The following DNAH7 variants were observed in gnomAD, a reference collection of about 807,000 sequenced individuals.
The protein encoded by DNAH7 is dynein axonemal heavy chain 7.
A neutral mutation model predicts 444.6 loss-of-function variants in DNAH7; 397 were observed. The ratio of observed to expected loss-of-function variants is 0.89; its 90% confidence interval spans 0.82 to 0.97. The LOEUF is 0.97. DNAH7 is among the 50% of genes least tolerant of loss of function. The probability of loss-of-function intolerance (pLI) is 0.00; values close to 1 mark genes in which losing one functional copy is unlikely to be tolerated. For synonymous variants in DNAH7, 1,636 were observed against 1,624.4 expected (o/e 1.01, Z -0.17); for missense variants, 4,902 against 4,800.8 (o/e 1.02, Z -0.62).
intron 19 of DNAH7, among the ~76,000 whole-genome samples, chr2:195,943,230 T>G (rs1431253704): frequency 6.6e-6 from 1 of 152,192 alleles, no homozygotes; most frequent in African/African-American, 2.4e-5. Flanking sequence ...ATTAGCAGCA[T>G]GAGAACAGAC....
chr2:195,772,484 T>A (rs942238963), intron 60 of DNAH7, among the ~76,000 whole-genome samples: 1 of 152,196 alleles, frequency 6.6e-6, no homozygotes, highest in Non-Finnish European at 1.5e-5. Context: ...ATTCCATTTT[T>A]GTTTTTTATA....
intron 8 of DNAH7, among the ~76,000 whole-genome samples, chr2:196,020,702 C>T (rs1695328954): frequency 6.6e-6 from 1 of 151,770 alleles, no homozygotes; most frequent in Admixed American, 6.6e-5. Context: ...CCTCCACCTC[C>T]TGGGTTCAAG....
At chr2:195,857,201 T>C (rs1269619985) in intron 44 of DNAH7, among the ~76,000 whole-genome samples, 176 bp downstream of exon 44, 1 of 152,222 alleles carries the variant, frequency 6.6e-6, no homozygotes, top group African/African-American at 2.4e-5. Flanking sequence ...AGAACCACTG[T>C]ATTATACTAT....
At chr2:195,817,972 G>T in intron 49 of DNAH7, 143 bp from the exon 50 acceptor site, 1 of 558,976 alleles carries the variant, frequency 1.8e-6, no homozygotes, top group Non-Finnish European at 2.9e-6. Context: ...TAGAGACTAT[G>T]ATTAACGACA....
chr2:195,791,939 G>A (rs1330271558), intron 57 of DNAH7, among the ~76,000 whole-genome samples: 1 of 152,112 alleles, frequency 6.6e-6, no homozygotes, highest in Non-Finnish European at 1.5e-5. Flanking sequence ...GGCCAAGGAG[G>A]GCGGACCACT....
chr2:195,818,462 T>C (rs565788889), intron 49 of DNAH7, among the ~76,000 whole-genome samples: 2 of 152,184 alleles, frequency 1.3e-5, no homozygotes, highest in South Asian at 4.1e-4. Flanking sequence ...TCTCTCTTCA[T>C]TGTCCACATC....
chr2:195,799,451 A>G lies in DNAH7; in HGVS notation c.10198T>C (p.Phe3400Leu), dbSNP rs1319354971. 6.2e-7 allele frequency: 1 copy of G among 1,600,164 alleles called. No homozygotes were observed. Among genetic ancestry groups the G allele is most frequent in the African/African-American group, 1.3e-5 (1 of 74,266 alleles). The change falls in exon 55 of 65, where the codon TTT becomes CTT. Residue 3400 changes from phenylalanine (F) to leucine (L), a missense_variant. By Grantham distance (22) the Phe-to-Leu change is conservative. Transcript: ENST00000312428. ...PDKVIPMLQEFIINRLGRAFI... is the reference protein window; with the variant it reads ...PDKVIPMLQELIINRLGRAFI... ...GCACGTCCCAATCTGTTGATTATAA[A>G]TTCCTGCAACATTGGAATAACCTAG...
chr2:196,000,915 A>T (rs750203141), intron 11 of DNAH7, 32 bp from the exon 12 acceptor site: 1 of 1,491,228 alleles, frequency 6.7e-7, no homozygotes, highest in Non-Finnish European at 9.0e-7. Context: ...ACATACATAA[A>T]TATGTATGAA....
chr2:195,889,473 C>G (rs561703213), intron 31 of DNAH7, among the ~76,000 whole-genome samples: 3 of 152,050 alleles, frequency 2.0e-5, no homozygotes, highest in African/African-American at 7.2e-5. Context: ...CACCACCACA[C>G]CCAGCTAAAT....
intron 15 of DNAH7, among the ~76,000 whole-genome samples, chr2:195,976,079 A>G (rs1400442696): frequency 1.3e-5 from 2 of 152,200 alleles, no homozygotes; most frequent in Non-Finnish European, 2.9e-5. Flanking sequence ...TAGATACCTC[A>G]GCCTTGCAGC....
intron 21 of DNAH7, among the ~76,000 whole-genome samples, chr2:195,930,475 A>G (rs966976520): frequency 1.1e-4 from 16 of 152,212 alleles, no homozygotes; most frequent in African/African-American, 3.9e-4. Flanking sequence ...CCAAAATGAG[A>G]TATCATCTCA....
chr2:195,953,463 G>A (rs1345770759), intron 19 of DNAH7, among the ~76,000 whole-genome samples: 2 of 152,212 alleles, frequency 1.3e-5, no homozygotes, highest in African/African-American at 4.8e-5. Context: ...CTCAAGCGCT[G>A]TGCTGGGTGA....
At chr2:195,924,551 G>A (rs1013860825) in intron 22 of DNAH7, among the ~76,000 whole-genome samples, 1 of 151,156 alleles carries the variant, frequency 6.6e-6, no homozygotes, top group African/African-American at 2.4e-5. Context: ...CCAAGATCAC[G>A]CCACTGCACT....
intron 24 of DNAH7, among the ~76,000 whole-genome samples, chr2:195,918,609 C>CA (rs1687829619): frequency 6.6e-6 from 1 of 151,976 alleles, no homozygotes; most frequent in Non-Finnish European, 1.5e-5. Context: ...TATCAAGCTG[C>CA]AAAAAGACAT....
rs571819280 is a variant in DNAH7 at position 195,883,068 on chromosome 2, C to A, written c.5764-1076G>T. ...TATAAAGAAATATTTCTAGAACCAA[C>A]GAAGAAAATAATGCCTTTCCCAAAT... On this transcript the variant is annotated intron_variant, in intron 35 of 64. Coordinates refer to ENST00000312428, the MANE Select transcript of DNAH7 (RefSeq NM_018897.3). Among the ~76,000 whole-genome samples, 541 of 152,126 alleles carry A rather than the reference C, an allele frequency of 3.6e-3. 2 individuals carry two copies. The highest frequency in any genetic ancestry group is 4.7e-3 in the Non-Finnish European group (322 of 68,010).
chr2:195,773,240 A>G (rs1694924190), intron 60 of DNAH7, among the ~76,000 whole-genome samples: 1 of 152,238 alleles, frequency 6.6e-6, no homozygotes. Flanking sequence ...TACCGGGTTT[A>G]CAACAAAATA....
At chr2:196,062,742 C>T (rs190872778) in intron 1 of DNAH7, among the ~76,000 whole-genome samples, 3 of 152,292 alleles carry the variant, frequency 2.0e-5, no homozygotes, top group East Asian at 1.9e-4. Flanking sequence ...TCTGATAATC[C>T]TCCTTCTTCC....
chr2:195,824,060 C>CTGAA (rs1321539176), intron 49 of DNAH7, among the ~76,000 whole-genome samples, 195 bp downstream of exon 49: 1 of 152,024 alleles, frequency 6.6e-6, no homozygotes, highest in African/African-American at 2.4e-5. Context: ...TCACAGCATG[C>CTGAA]TGAAGTTTCC....
chr2:195,863,914 A>T (rs1280027322), intron 41 of DNAH7, among the ~76,000 whole-genome samples: 1 of 152,188 alleles, frequency 6.6e-6, no homozygotes, highest in African/African-American at 2.4e-5. Context: ...TCTGATACAC[A>T]ATTTTATCAT....
Sources: allele counts gnomAD v4.1 joint callset (sites outside exome capture counted in the v4.1 genomes callset), GRCh38; gene constraint gnomAD v4.1.1; transcripts MANE v1.5; gene names NCBI Gene and HGNC (gene_info 2026-07-23, HGNC 2026-07-21).